OR7E24: variants seen among roughly 807,000 people sequenced by gnomAD.
OR7E24 encodes olfactory receptor family 7 subfamily E member 24, also known as olfactory receptor 7E24.
For synonymous variants in OR7E24, 130 were observed against 157.5 expected, an observed-to-expected ratio of 0.83 and a Z score of 1.31; for missense variants, 385 against 410.3, an observed-to-expected ratio of 0.94 and a Z score of 0.53.
At chr19:9,227,844 C>T in the OR7E24 span, among the ~76,000 whole-genome samples, 1 of 148,026 alleles carries the variant, frequency 6.8e-6, no homozygotes, top group Admixed American at 6.7e-5. Flanking sequence ...AGCTCCGCCT[C>T]CCGGGTTCAT....
the OR7E24 span, chr19:9,236,198 G>T: frequency 1.6e-6 from 1 of 643,924 alleles, no homozygotes; most frequent in Non-Finnish European, 2.7e-6. Context: ...TATTTTCAAA[G>T]CACCTACGAC....
chr19:9,224,053 T>C, the OR7E24 span, among the ~76,000 whole-genome samples: 15 of 152,130 alleles, frequency 9.9e-5, no homozygotes, highest in African/African-American at 3.6e-4. Flanking sequence ...GGTTTCACCA[T>C]GTTAGCCAGG....
chr19:9,213,794 C>T, the OR7E24 span: 4 of 790,746 alleles, frequency 5.1e-6, no homozygotes, highest in Non-Finnish European at 6.1e-6. Context: ...AAAAATCCCA[C>T]ATCAAGCACA....
upstream of OR7E24, chr19:9,247,625 G>A (rs2066134206): frequency 1.0e-5 from 4 of 398,400 alleles, no homozygotes; most frequent in Admixed American, 8.8e-5. Flanking sequence ...CAGCTCAGAC[G>A]ACTGTGGAGT....
Position 9,252,012 on chromosome 19 carries a change from T to C in OR7E24, c.969T>C (p.His323=), listed in dbSNP as rs2066151412. The change falls in exon 1 of 1, where the codon CAT becomes CAC. Residue 323 remains histidine, a synonymous_variant. Coordinates refer to ENST00000456448, the MANE Select transcript of OR7E24 (RefSeq NM_001079935.2). The stretch of plus-strand genomic sequence containing the variant: ...TTCAAAGTGCCCTGTGCAGGCTGCA[T>C]GGCAGAATCATCAAATCTCATCATC... ...KDIQSALCRL[H]GRIIKSHHLH... The C allele has an allele frequency of 6.2e-7, 1 of 1,614,046 alleles. No individual in the cohort carries two copies. The highest frequency in any genetic ancestry group is 8.5e-7 in the Non-Finnish European group (1 of 1,180,028).
chr19:9,223,649 C>G, the OR7E24 span, among the ~76,000 whole-genome samples: 1 of 151,814 alleles, frequency 6.6e-6, no homozygotes, highest in African/African-American at 2.4e-5. Context: ...CTGAACTTGG[C>G]TATAATGAAG....
upstream of OR7E24, among the ~76,000 whole-genome samples, chr19:9,248,624 A>C (rs2066137011): frequency 6.6e-6 from 1 of 152,188 alleles, no homozygotes; most frequent in African/African-American, 2.4e-5. Flanking sequence ...AGGGCAGCTG[A>C]GATCACATCA....
chr19:9,240,318 T>C, the OR7E24 span, among the ~76,000 whole-genome samples: 29 of 152,326 alleles, frequency 1.9e-4, 1 homozygote, highest in East Asian at 5.6e-3. Flanking sequence ...TTTGGGTTCT[T>C]ATCCAAAAAA....
At chr19:9,229,967 T>C in the OR7E24 span, among the ~76,000 whole-genome samples, 10 of 151,226 alleles carry the variant, frequency 6.6e-5, no homozygotes, top group Admixed American at 6.6e-4. Flanking sequence ...GGAGAGAGAG[T>C]GGGTACTGGG....
the OR7E24 span, among the ~76,000 whole-genome samples, chr19:9,229,960 G>T: frequency 0.032 from 4,799 of 152,172 alleles, 246 homozygotes; most frequent in African/African-American, 0.11. Flanking sequence ...GGTAAGAGGA[G>T]AGAGAGTGGG....
chr19:9,213,624 G>A, the OR7E24 span: 1 of 380,348 alleles, frequency 2.6e-6, no homozygotes, highest in Non-Finnish European at 4.9e-6. Context: ...TGTAATCTCA[G>A]CTACTTGAGA....
In OR7E24 at chr19:9,251,335, A is replaced by G; in HGVS notation, c.292A>G (p.Lys98Glu). The G allele has an allele frequency of 6.2e-7, 1 of 1,614,072 alleles. No individual in the cohort carries two copies. Among genetic ancestry groups the G allele is most frequent in the Non-Finnish European group, 8.5e-7 (1 of 1,180,010 alleles). ...CGGTTTCACCTCCACCACGGTCCCCAAGATGATTGTGGACATGCAAACTCA... is the reference window on the plus strand; with the variant it reads ...CGGTTTCACCTCCACCACGGTCCCCGAGATGATTGTGGACATGCAAACTCA... ...DIGFTSTTVP[K>E]MIVDMQTHSR... The change falls in exon 1 of 1, where the codon AAG becomes GAG. Residue 98 changes from lysine (K) to glutamate (E), a missense_variant. Coordinates refer to ENST00000456448, the MANE Select transcript of OR7E24 (RefSeq NM_001079935.2).
upstream of OR7E24, among the ~76,000 whole-genome samples, chr19:9,243,370 G>A (rs1378252395): frequency 6.9e-6 from 1 of 145,180 alleles, no homozygotes; most frequent in Non-Finnish European, 1.5e-5. Flanking sequence ...TTGAGCCAGT[G>A]TCTCACAGTA....
chr19:9,247,041 T>C (rs776017767), upstream of OR7E24, among the ~76,000 whole-genome samples: 2 of 152,212 alleles, frequency 1.3e-5, no homozygotes, highest in Non-Finnish European at 2.9e-5. Context: ...CATTTATATG[T>C]ATAATTTTAA....
chr19:9,225,944 T>A, the OR7E24 span, among the ~76,000 whole-genome samples: 5 of 152,350 alleles, frequency 3.3e-5, no homozygotes, highest in East Asian at 7.7e-4. Context: ...CAGAGCCATC[T>A]GTATTCATTA....
At chr19:9,249,816 G>T (rs761625692), upstream of OR7E24, among the ~76,000 whole-genome samples, 1 of 152,036 alleles carries the variant, frequency 6.6e-6, no homozygotes, top group Non-Finnish European at 1.5e-5. Context: ...AGCTGTGCAT[G>T]GTGGGGCGTG....
Position 9,250,974 on chromosome 19 carries a change from T to C in OR7E24, c.-70T>C. The C allele has an allele frequency of 8.7e-7, 1 of 1,154,080 alleles. No homozygotes were observed. The highest frequency in any genetic ancestry group is 1.2e-6 in the Non-Finnish European group (1 of 823,186). The allele number at this position is 1,154,080 out of a possible 1,614,324, so 71.5% of individuals were successfully genotyped here. ...AACTATTGCTGAGGGTGTATAATCC[T>C]ATGTGAAAACTTAATTTCTTAATTG... On this transcript the variant is annotated 5_prime_UTR_variant, in exon 1 of 1. Transcript: ENST00000456448.
chr19:9,235,552 A>C, the OR7E24 span: 1 of 1,555,784 alleles, frequency 6.4e-7, no homozygotes, highest in Non-Finnish European at 8.9e-7. Flanking sequence ...GGTCATCATA[A>C]ACCCCCATCT....
Position 9,251,944 on chromosome 19 carries a change from C to T in OR7E24, c.901C>T (p.Pro301Ser). The T allele has an allele frequency of 6.2e-7, 1 of 1,614,118 alleles. No homozygotes were observed. The highest frequency in any genetic ancestry group is 1.3e-5 in the African/African-American group (1 of 75,010). The change falls in exon 1 of 1, where the codon CCC (proline) becomes TCC (serine). Residue 301 changes from proline (P) to serine (S), a missense_variant. Coordinates refer to ENST00000456448, the MANE Select transcript of OR7E24 (RefSeq NM_001079935.2). ...TTCAGTGATGTACACTGTGGTCACC[C>T]CCATGCTGAACCCCTTCATCTACAG... ...VASVMYTVVT[P>S]MLNPFIYSLR...
Sources: gnomAD v4.1 joint callset for allele counts (sites outside exome capture counted in the v4.1 genomes callset) on GRCh38, gnomAD v4.1.1 for gene constraint, MANE v1.5 for transcripts, NCBI Gene and HGNC (gene_info 2026-07-23, HGNC 2026-07-21) for gene names.